Variants in ADARB2 observed in about 807,000 individuals in gnomAD.
The protein encoded by ADARB2 is inactive double-stranded RNA-specific editase B2.
ADARB2 carries 25 observed loss-of-function variants against 62.2 expected under a neutral mutation model. The ratio of observed to expected loss-of-function variants is 0.40; its 90% CI spans 0.29 to 0.56. ADARB2 has a LOEUF of 0.56. Ranked by LOEUF, ADARB2 falls within the 20% of genes least tolerant of loss-of-function variation. The pLI is 0.43. For missense variants in ADARB2, 1,071 were observed against 1,077.4 expected (o/e 0.99, Z 0.08); for synonymous variants, 572 against 500.8 (o/e 1.14, Z -1.90).
At chr10:1,726,437 C>T (rs1432250059) in intron 1 of ADARB2, among the ~76,000 whole-genome samples, 12 of 144,640 alleles carry the variant, frequency 8.3e-5, no homozygotes, top group Admixed American at 2.1e-4. Context: ...TCGCCTTTTC[C>T]GTTCCCTATC....
intron 3 of ADARB2, among the ~76,000 whole-genome samples, chr10:1,347,383 G>T (rs1832090565): frequency 6.6e-6 from 1 of 152,226 alleles, no homozygotes; most frequent in Non-Finnish European, 1.5e-5. Context: ...TCTCCCAGCT[G>T]CTCTGTGAGC....
chr10:1,595,384 G>A (rs1458813925), intron 1 of ADARB2, among the ~76,000 whole-genome samples: 1 of 152,228 alleles, frequency 6.6e-6, no homozygotes, highest in African/African-American at 2.4e-5. Flanking sequence ...GCATCAGACA[G>A]TATGGTATGG....
At chr10:1,367,778 G>A (rs2805579) in intron 2 of ADARB2, among the ~76,000 whole-genome samples, 8,586 of 152,234 alleles carry the variant, frequency 0.056, 826 homozygotes, top group African/African-American at 0.19. Context: ...AGTGGCTGGC[G>A]TTATTGCATG....
chr10:1,562,015 G>A (rs946168520), intron 1 of ADARB2, among the ~76,000 whole-genome samples: 3 of 152,162 alleles, frequency 2.0e-5, no homozygotes, highest in South Asian at 2.1e-4. Context: ...CAGCTTCCGA[G>A]CTCATCGCCT....
chr10:1,326,709 C>T (rs1376499009), intron 3 of ADARB2, among the ~76,000 whole-genome samples: 3 of 152,120 alleles, frequency 2.0e-5, no homozygotes, highest in Non-Finnish European at 4.4e-5. Context: ...CACAGCTCAG[C>T]GTCTCCTCAC....
intron 3 of ADARB2, 103 bp downstream of exon 3, chr10:1,362,925 C>T: frequency 8.9e-7 from 1 of 1,123,736 alleles, no homozygotes. Context: ...CGCGGCCTCT[C>T]CTTCTCCGAG....
At chr10:1,572,096 T>C (rs1391284855) in intron 1 of ADARB2, among the ~76,000 whole-genome samples, 3 of 143,176 alleles carry the variant, frequency 2.1e-5, no homozygotes, top group Non-Finnish European at 4.5e-5. Flanking sequence ...TGCTGGTGAG[T>C]GTGCAGGTGA....
intron 2 of ADARB2, among the ~76,000 whole-genome samples, chr10:1,368,288 G>A (rs369833082): frequency 2.1e-4 from 32 of 152,178 alleles, no homozygotes; most frequent in African/African-American, 6.5e-4. Flanking sequence ...AGGGACAAAC[G>A]GAGGCAGCAC....
At chr10:1,395,559 G>A (rs2247846) in intron 1 of ADARB2, among the ~76,000 whole-genome samples, 22 of 152,184 alleles carry the variant, frequency 1.4e-4, no homozygotes, top group Non-Finnish European at 2.6e-4. Context: ...CCAGCGGGGC[G>A]TCTGCTCCCT....
At chr10:1,576,570 G>T (rs2131997145) in intron 1 of ADARB2, among the ~76,000 whole-genome samples, 2 of 152,286 alleles carry the variant, frequency 1.3e-5, no homozygotes, top group Middle Eastern at 6.8e-3. Context: ...GATAAGCAGT[G>T]CTAGGTCTGT....
At chr10:1,258,421 C>A (rs545794654) in intron 4 of ADARB2, among the ~76,000 whole-genome samples, 92 of 152,270 alleles carry the variant, frequency 6.0e-4, no homozygotes, top group African/African-American at 2.1e-3. Context: ...CCCATCTCAG[C>A]TGCAGAGACA....
At chr10:1,468,632 T>A (rs1831285900) in intron 1 of ADARB2, among the ~76,000 whole-genome samples, 1 of 152,154 alleles carries the variant, frequency 6.6e-6, no homozygotes, top group East Asian at 1.9e-4. Flanking sequence ...AAAGTCTGGT[T>A]TTGGCAGTCG....
intron 1 of ADARB2, among the ~76,000 whole-genome samples, chr10:1,556,240 C>A (rs186747261): frequency 6.8e-6 from 1 of 148,104 alleles, no homozygotes; most frequent in Non-Finnish European, 1.5e-5. Flanking sequence ...TCAAAGAAAG[C>A]CTTCCTCTCA....
chr10:1,585,805 T>G (rs557691878), intron 1 of ADARB2, among the ~76,000 whole-genome samples: 2 of 152,086 alleles, frequency 1.3e-5, no homozygotes, highest in Non-Finnish European at 2.9e-5. Context: ...GAGGCCAAGG[T>G]GGGCAGATCA....
chr10:1,497,436 AAC>A (rs1378448576), intron 1 of ADARB2, among the ~76,000 whole-genome samples: 3 of 152,244 alleles, frequency 2.0e-5, no homozygotes, highest in Non-Finnish European at 4.4e-5. Flanking sequence ...ATATGCAGAA[AAC>A]ACATGTTCAT....
At chr10:1,481,797 C>T (rs1184150549) in intron 1 of ADARB2, among the ~76,000 whole-genome samples, 1 of 147,670 alleles carries the variant, frequency 6.8e-6, no homozygotes, top group Non-Finnish European at 1.5e-5. Context: ...GTGAAGTTTG[C>T]AGTGAGCTGA....
intron 1 of ADARB2, among the ~76,000 whole-genome samples, chr10:1,546,384 C>T (rs1337468938): frequency 1.3e-5 from 2 of 152,214 alleles, no homozygotes; most frequent in Non-Finnish European, 2.9e-5. Flanking sequence ...GGTGGGAAGG[C>T]TCTCCCGTGC....
intron 1 of ADARB2, among the ~76,000 whole-genome samples, chr10:1,617,630 G>A (rs186715516): frequency 1.3e-5 from 2 of 148,594 alleles, no homozygotes; most frequent in Admixed American, 1.3e-4. Flanking sequence ...ACTGGCGTCA[G>A]AGGGCTGCAT....
intron 1 of ADARB2, among the ~76,000 whole-genome samples, chr10:1,475,288 G>T (rs1372108308): frequency 2.0e-5 from 3 of 152,214 alleles, no homozygotes; most frequent in African/African-American, 7.2e-5. Flanking sequence ...AAACTTGACC[G>T]CAGGCTGGGT....
Sources: allele counts gnomAD v4.1 joint callset (sites outside exome capture counted in the v4.1 genomes callset), GRCh38; gene constraint gnomAD v4.1.1; transcripts MANE v1.5; gene names NCBI Gene and HGNC (gene_info 2026-07-23, HGNC 2026-07-21).